Variants in LRRIQ3 observed in about 807,000 individuals in gnomAD.
LRRIQ3 encodes leucine rich repeats and IQ motif containing 3.
Under a neutral mutation model 59.3 loss-of-function variants are expected in LRRIQ3, and 75 were observed. That is an observed-to-expected ratio of 1.26 (90% CI 1.05 to 1.53). The LOEUF is 1.53. LRRIQ3 is among the 40% of genes most tolerant of loss of function. LRRIQ3 has a pLI of 0.00. For synonymous variants in LRRIQ3, 250 were observed against 231.3 expected (o/e 1.08, Z -0.73); for missense variants, 831 against 710.0 (o/e 1.17, Z -1.94).
intron 5 of LRRIQ3, among the ~76,000 whole-genome samples, chr1:74,081,205 G>C (rs958651429): frequency 1.9e-4 from 29 of 151,446 alleles, no homozygotes; most frequent in African/African-American, 6.8e-4. Flanking sequence ...AATAAACACA[G>C]GAAACATATA....
chr1:74,097,647 G>C (rs1646467312), intron 5 of LRRIQ3, among the ~76,000 whole-genome samples: 1 of 152,150 alleles, frequency 6.6e-6, no homozygotes, highest in African/African-American at 2.4e-5. Flanking sequence ...GTTGAGGGCA[G>C]CCAGAGAGAA....
chr1:74,190,933 T>C (rs12747924), intron 1 of LRRIQ3, among the ~76,000 whole-genome samples: 48,588 of 152,032 alleles, frequency 0.32, 8,624 homozygotes, highest in Middle Eastern at 0.44. Context: ...CCCTTTCACT[T>C]GGTTCTCATT....
At chr1:74,140,731 TC>T (rs1647222643) in intron 4 of LRRIQ3, among the ~76,000 whole-genome samples, 1 of 151,748 alleles carries the variant, frequency 6.6e-6, no homozygotes, top group South Asian at 2.1e-4. Flanking sequence ...TAAGCTTGTT[TC>T]CCCTGCCCTA....
intron 4 of LRRIQ3, among the ~76,000 whole-genome samples, chr1:74,123,823 T>C (rs988922188): frequency 6.6e-6 from 1 of 152,034 alleles, no homozygotes; most frequent in Non-Finnish European, 1.5e-5. Flanking sequence ...GGTATGTCCT[T>C]AGCAGTGGGA....
chr1:74,068,126 A>G (rs375859445), intron 6 of LRRIQ3, among the ~76,000 whole-genome samples: 1 of 152,054 alleles, frequency 6.6e-6, no homozygotes, highest in Non-Finnish European at 1.5e-5. Flanking sequence ...TCAGCCCCTG[A>G]TATCAATTTT....
At chr1:74,159,932 T>A (rs1648564963) in intron 3 of LRRIQ3, among the ~76,000 whole-genome samples, 1 of 152,022 alleles carries the variant, frequency 6.6e-6, no homozygotes, top group African/African-American at 2.4e-5. Flanking sequence ...ATTCAATAAA[T>A]CACTAAATTC....
At chr1:74,078,522 A>G (rs1646234459) in intron 5 of LRRIQ3, 1 of 151,922 alleles carries the variant, frequency 6.6e-6, no homozygotes, top group African/African-American at 2.4e-5. Context: ...TAAAACATGC[A>G]TGATAAGACA....
intron 5 of LRRIQ3, among the ~76,000 whole-genome samples, chr1:74,091,231 A>G (rs773129155): frequency 1.3e-5 from 2 of 152,164 alleles, no homozygotes; most frequent in Non-Finnish European, 2.9e-5. Context: ...TGATACCTGA[A>G]TAATCCATAA....
intron 5 of LRRIQ3, among the ~76,000 whole-genome samples, chr1:74,075,978 T>C (rs1211691714): frequency 6.6e-6 from 1 of 152,128 alleles, no homozygotes; most frequent in Admixed American, 6.5e-5. Flanking sequence ...TAACTTCTGT[T>C]TAATATCTCA....
chr1:74,094,261 C>T (rs778992148), intron 5 of LRRIQ3, among the ~76,000 whole-genome samples: 1 of 152,028 alleles, frequency 6.6e-6, no homozygotes, highest in Non-Finnish European at 1.5e-5. Flanking sequence ...TTTGAAGGGA[C>T]ACATTCAGCT....
At chr1:74,128,810 T>C (rs1646971575) in intron 4 of LRRIQ3, among the ~76,000 whole-genome samples, 1 of 152,144 alleles carries the variant, frequency 6.6e-6, no homozygotes, top group African/African-American at 2.4e-5. Context: ...TGTAGTCATA[T>C]ATACATTAGG....
At chr1:74,084,344 C>A in intron 5 of LRRIQ3, 1 of 821,670 alleles carries the variant, frequency 1.2e-6, no homozygotes. Flanking sequence ...TCAAGATTTG[C>A]TTTTAGGTGC....
chr1:74,187,899 A>G (rs998397709), intron 1 of LRRIQ3, among the ~76,000 whole-genome samples: 3 of 152,198 alleles, frequency 2.0e-5, no homozygotes, highest in Non-Finnish European at 2.9e-5. Flanking sequence ...ACAACATTTG[A>G]CCCAGCAATC....
chr1:74,041,257 T>A lies in LRRIQ3; in HGVS notation c.1674A>T (p.Ala558=), dbSNP rs1028118308. The change falls in exon 7 of 8, where the codon GCA becomes GCT. Residue 558 remains alanine, a synonymous_variant. Coordinates refer to ENST00000354431, the MANE Select transcript of LRRIQ3 (RefSeq NM_001105659.2). ...TAAGTAAATTCTTTCTATATTTTTCTGCTTTTAGTTTTTGCTTAACAATCA... is the reference window on the plus strand; with the variant it reads ...TAAGTAAATTCTTTCTATATTTTTCAGCTTTTAGTTTTTGCTTAACAATCA... ...KSLIVKQKLK[A]EKYRKNLLKE... 1.3e-5 allele frequency: 20 copies of A among 1,592,230 alleles called. No homozygotes were observed. The highest frequency in any genetic ancestry group is 1.7e-5 in the Non-Finnish European group (20 of 1,173,350).
At chr1:74,056,833 C>A (rs1654550332) in intron 6 of LRRIQ3, among the ~76,000 whole-genome samples, 1 of 152,104 alleles carries the variant, frequency 6.6e-6, no homozygotes, top group Non-Finnish European at 1.5e-5. Context: ...TTGTTACCCC[C>A]ACATGTTGAG....
chr1:74,182,672 T>A lies in LRRIQ3; in HGVS notation c.439A>T (p.Ser147Cys), dbSNP rs776691405. ...TCCAGCGCTTTGAGAGGCCATATAC[T>A]GTTAACAAGAACATGTCTATATCCT... is the stretch of plus-strand genomic sequence containing the variant. Reference protein sequence around the residue: ...KKGYRHVLVNSIWPLKALDHH... With the variant: ...KKGYRHVLVNCIWPLKALDHH... The change falls in exon 3 of 8, where the codon AGT becomes TGT. Residue 147 changes from serine (S) to cysteine (C), a missense_variant. Transcript: ENST00000354431. The A allele has an allele frequency of 6.2e-7, 1 of 1,612,488 alleles. No homozygotes were observed. The highest frequency in any genetic ancestry group is 8.5e-7 in the Non-Finnish European group (1 of 1,178,920).
At position 74,109,380 on chromosome 1, in the gene LRRIQ3, C is replaced by CA. The variant is rs759783647; in HGVS notation, c.867+13_867+14insT. ...ATACATTTCAAATAAAAATAATAAA[C>CA]TAATTATACTTACATGTTTCCAATA... On this transcript the variant is annotated intron_variant, in intron 5 of 7. Coordinates refer to ENST00000354431, the MANE Select transcript of LRRIQ3 (RefSeq NM_001105659.2). 22 of 1,422,868 alleles carry CA rather than the reference C, an allele frequency of 1.5e-5. No homozygotes were observed. The highest frequency in any genetic ancestry group is 2.1e-5 in the Non-Finnish European group (22 of 1,043,174). 88.1% of individuals were successfully genotyped at this position (1,422,868 alleles called of 1,614,324 possible). A position where few individuals can be genotyped will look rare whatever the true frequency, so the allele number is the denominator to read the frequency against.
intron 6 of LRRIQ3, among the ~76,000 whole-genome samples, chr1:74,059,134 A>G (rs1654626228): frequency 6.6e-6 from 1 of 152,054 alleles, no homozygotes; most frequent in Admixed American, 6.6e-5. Flanking sequence ...ATTTTATCTT[A>G]CTCAGCGAGT....
chr1:74,076,940 T>C (rs1335170416), intron 5 of LRRIQ3, among the ~76,000 whole-genome samples: 1 of 152,158 alleles, frequency 6.6e-6, no homozygotes, highest in Non-Finnish European at 1.5e-5. Context: ...TTTAAGCTCA[T>C]ACATTCTCTT....
Sources: gnomAD v4.1 joint callset for allele counts (sites outside exome capture counted in the v4.1 genomes callset) on GRCh38, gnomAD v4.1.1 for gene constraint, MANE v1.5 for transcripts, NCBI Gene and HGNC (gene_info 2026-07-23, HGNC 2026-07-21) for gene names.